The following UTP20 variants were observed in gnomAD, a reference collection of about 807,000 sequenced individuals.
UTP20 encodes UTP20 small subunit processome component.
UTP20 carries 164 observed loss-of-function variants against 329.5 expected under a neutral mutation model. The observed-to-expected ratio is 0.50, with a 90% CI of 0.44 to 0.57. The LOEUF is 0.57. Ranked by LOEUF, UTP20 falls within the 20% of genes least tolerant of loss-of-function variation. The pLI is 0.00. For synonymous variants in UTP20, 1,151 were observed against 1,159.3 expected, an observed-to-expected ratio of 0.99 and a Z score of 0.14; for missense variants, 3,055 against 3,284.2, an observed-to-expected ratio of 0.93 and a Z score of 1.71.
chr12:101,379,668 TTTG>T (rs1243677949), intron 57 of UTP20, 110 bp downstream of exon 57: 1 of 1,200,188 alleles, frequency 8.3e-7, no homozygotes, highest in Non-Finnish European at 1.2e-6. Context: ...CAACCAACAA[TTTG>T]TTGTACAGGT....
chr12:101,339,020 A>G, intron 31 of UTP20, 63 bp downstream of exon 31: 2 of 1,499,746 alleles, frequency 1.3e-6, no homozygotes, highest in South Asian at 1.4e-5. Flanking sequence ...TTTTTAAAAA[A>G]TTATTATCTT....
intron 1 of UTP20, 34 bp downstream of exon 1, chr12:101,280,361 T>G (rs375166665): frequency 6.4e-7 from 1 of 1,551,002 alleles, no homozygotes; most frequent in Non-Finnish European, 8.7e-7. Flanking sequence ...GAGCCGCGGG[T>G]CTCCGCTGCC....
At chr12:101,370,869 A>G (rs576837422) in intron 50 of UTP20, among the ~76,000 whole-genome samples, 189 bp from the exon 51 acceptor site, 1 of 152,306 alleles carries the variant, frequency 6.6e-6, no homozygotes, top group Admixed American at 6.5e-5. Flanking sequence ...AAAATTCACC[A>G]TTTTTACCCA....
intron 18 of UTP20, among the ~76,000 whole-genome samples, chr12:101,308,873 C>T (rs994849611): frequency 3.0e-4 from 45 of 152,136 alleles, no homozygotes; most frequent in African/African-American, 1.1e-3. Flanking sequence ...GCTGGAACTA[C>T]AGGTGCATGC....
chr12:101,335,911 T>C (rs1868920469), intron 29 of UTP20, among the ~76,000 whole-genome samples: 2 of 152,226 alleles, frequency 1.3e-5, no homozygotes, highest in Non-Finnish European at 2.9e-5. Context: ...TTCATAGGCT[T>C]ACTTGAGAAA....
intron 31 of UTP20, 51 bp from the exon 32 acceptor site, chr12:101,340,472 G>T: frequency 8.5e-7 from 1 of 1,171,316 alleles, no homozygotes. Flanking sequence ...TAACTTCTTA[G>T]AGAAATATCC....
At position 101,375,693 on chromosome 12, in the gene UTP20, C is replaced by A; in HGVS notation, c.7333C>A (p.Leu2445Ile). ...TAGTTTTCTTACACTGATAACTAAA[C>A]TTATCAAGGAATGTAATATTATTCA... ...LFSFLTLITK[L>I]IKECNIIQFT... Residue 2445 changes from leucine (L) to isoleucine (I), a missense_variant, in exon 56 of 62, where the codon CTT becomes ATT. Leu to Ile is a conservative substitution (Grantham distance 5). This residue lies in a region of UTP20 where 273 missense variants were observed against 363.1 expected (regional missense o/e 0.75). Transcript: ENST00000261637. 1 of 1,603,720 alleles carries A rather than the reference C, an allele frequency of 6.2e-7. No individual in the cohort carries two copies. Among genetic ancestry groups the A allele is most frequent in the Non-Finnish European group, 8.5e-7 (1 of 1,172,046 alleles).
intron 12 of UTP20, among the ~76,000 whole-genome samples, chr12:101,296,028 T>C (rs955516609): frequency 1.3e-5 from 2 of 152,360 alleles, no homozygotes; most frequent in Non-Finnish European, 2.9e-5. Flanking sequence ...TCGTATACTC[T>C]TCACTCAGAT....
intron 38 of UTP20, 106 bp from the exon 39 acceptor site, chr12:101,351,949 T>C: frequency 7.5e-7 from 1 of 1,336,778 alleles, no homozygotes; most frequent in South Asian, 1.3e-5. Flanking sequence ...ATTCTTTCTC[T>C]TCTGTAATTA....
In UTP20 at chr12:101,310,595, A is replaced by AAAAAG. The variant is rs1330692306; in HGVS notation, c.2231+759_2231+760insAGAAA. Among the ~76,000 whole-genome samples the AAAAAG allele has an allele frequency of 1.5e-4, 18 of 121,762 alleles. 1 individual carries two copies. Among genetic ancestry groups the AAAAAG allele is most frequent in the Non-Finnish European group, 3.0e-4 (15 of 49,802 alleles). 79.9% of individuals were successfully genotyped at this position (121,762 alleles called of 152,430 possible). On this transcript the variant is annotated intron_variant, in intron 19 of 61. Coordinates refer to ENST00000261637, the MANE Select transcript of UTP20 (RefSeq NM_014503.3). The stretch of plus-strand genomic sequence containing the variant: ...TGTCTCCCAAAAAAAAAAAAAAAAA[A>AAAAAG]AAATACATGTTATGGCTCATGTGTA...
At chr12:101,370,900 G>T (rs10860717) in intron 50 of UTP20, among the ~76,000 whole-genome samples, 158 bp from the exon 51 acceptor site, 33,353 of 152,052 alleles carry the variant, frequency 0.22, 8,297 homozygotes, top group African/African-American at 0.58. Flanking sequence ...TATGTTTAAG[G>T]GTTGTGTGTT....
Position 101,309,817 on chromosome 12 carries a change from G to A in UTP20, c.2209G>A (p.Asp737Asn). 1 of 1,613,634 alleles carries A rather than the reference G, an allele frequency of 6.2e-7. No homozygotes were observed. The highest frequency in any genetic ancestry group is 8.5e-7 in the Non-Finnish European group (1 of 1,179,952). Residue 737 changes from aspartate to asparagine, a missense_variant, in exon 19 of 62, where the codon GAT (aspartate) becomes AAT (asparagine). Asp to Asn is a conservative substitution (Grantham distance 23). This residue lies in a region of UTP20 where 2,445 missense variants were observed against 2,575.5 expected (regional missense o/e 0.95). Transcript: ENST00000261637. ...MLYINFSALW[D>N]PVIELISSHA... The stretch of plus-strand genomic sequence containing the variant: ...ATATATTAATTTCAGTGCACTCTGG[G>A]ATCCTGTTATTGAACTCATAAGGTA...
At position 101,309,409 on chromosome 12, in the gene UTP20, T is replaced by G. The variant is rs529015068; in HGVS notation, c.2155-354T>G. Among the ~76,000 whole-genome samples, 7 of 152,348 alleles carry G rather than the reference T, an allele frequency of 4.6e-5. 1 individual carries two copies. In the South Asian group the frequency reaches 1.4e-3, roughly 32 times the overall value. On this transcript the variant is annotated intron_variant, in intron 18 of 61. Coordinates refer to ENST00000261637, the MANE Select transcript of UTP20 (RefSeq NM_014503.3). Reference sequence around the variant, plus strand: ...GTTTCCTTGCGTTCTTCGGCATGTGTGCATTTCTGACTGCTGTTGAAGTTT... The same window carrying G: ...GTTTCCTTGCGTTCTTCGGCATGTGGGCATTTCTGACTGCTGTTGAAGTTT...
rs995481419 is a variant in UTP20 at position 101,385,794 on chromosome 12, G to A, written c.8202+66G>A. 3.9e-6 allele frequency: 6 copies of A among 1,555,246 alleles called. No individual in the cohort carries two copies. In the African/African-American group the frequency reaches 4.2e-5, roughly 11 times the overall value. On this transcript the variant is annotated intron_variant, in intron 61 of 61. Transcript: ENST00000261637. ...TGATAACTACTAAGTGTGCATGTTT[G>A]TGTCACACTTACACTTAGGGAGGAT... is the stretch of plus-strand genomic sequence containing the variant.
At chr12:101,298,387 G>C (rs1328479693) in intron 12 of UTP20, among the ~76,000 whole-genome samples, 1 of 152,176 alleles carries the variant, frequency 6.6e-6, no homozygotes, top group Non-Finnish European at 1.5e-5. Flanking sequence ...ATCCAGCCTT[G>C]CAAAGATCTC....
At chr12:101,293,049 G>A in intron 10 of UTP20, 119 bp from the exon 11 acceptor site, 4 of 957,100 alleles carry the variant, frequency 4.2e-6, no homozygotes, top group Non-Finnish European at 6.4e-6. Context: ...AGAAGGCCGG[G>A]CAACTGGACA....
At position 101,382,811 on chromosome 12, in the gene UTP20, C is replaced by T. The variant is rs566632207; in HGVS notation, c.7657-230C>T. Among the ~76,000 whole-genome samples the T allele has an allele frequency of 1.4e-3, 208 of 151,202 alleles. 1 individual carries two copies. Among genetic ancestry groups the T allele is most frequent in the African/African-American group, 4.8e-3 (197 of 41,114 alleles). On this transcript the variant is annotated intron_variant, in intron 58 of 61. Transcript: ENST00000261637. Reference sequence around the variant, plus strand: ...GATGTCACAGTGAGCCGAGATTGCACCACTGCCCTCAGCCTGGGTAACAGA... The same window carrying T: ...GATGTCACAGTGAGCCGAGATTGCATCACTGCCCTCAGCCTGGGTAACAGA...
chr12:101,384,165 A>G (rs1238021489), intron 60 of UTP20, among the ~76,000 whole-genome samples: 1 of 152,244 alleles, frequency 6.6e-6, no homozygotes, highest in Non-Finnish European at 1.5e-5. Flanking sequence ...TAAATAGTCA[A>G]AGAAAACTAT....
At chr12:101,377,772 C>A (rs1870523814) in intron 56 of UTP20, among the ~76,000 whole-genome samples, 1 of 152,146 alleles carries the variant, frequency 6.6e-6, no homozygotes, top group Admixed American at 6.5e-5. Context: ...ATTTTTAGAC[C>A]ATTAGTGTAG....
Sources: gnomAD v4.1 joint callset for allele counts (sites outside exome capture counted in the v4.1 genomes callset) on GRCh38, gnomAD v4.1.1 for gene constraint, gnomAD v4.1.1 regional missense constraint, MANE v1.5 for transcripts, NCBI Gene and HGNC (gene_info 2026-07-23, HGNC 2026-07-21) for gene names.